RCL1: variants seen among roughly 807,000 people sequenced by gnomAD.
RCL1 encodes the protein RNA 3'-terminal phosphate cyclase-like protein.
A neutral mutation model predicts 42.4 loss-of-function variants in RCL1; 24 were observed. That is an observed-to-expected ratio of 0.57 (90% confidence interval 0.41 to 0.80). The LOEUF is 0.80. RCL1 is among the 30% of genes least tolerant of loss of function. RCL1 has a pLI of 0.00. For synonymous variants in RCL1, 228 were observed against 177.3 expected (o/e 1.29, Z -2.27); for missense variants, 578 against 467.9 (o/e 1.24, Z -2.17).
At chr9:4,810,555 T>C (rs559932080) in intron 1 of RCL1, among the ~76,000 whole-genome samples, 17 of 152,346 alleles carry the variant, frequency 1.1e-4, no homozygotes, top group Admixed American at 4.6e-4. Context: ...TTTTTTAATG[T>C]GCCACAATTT....
intron 1 of RCL1, among the ~76,000 whole-genome samples, chr9:4,808,421 T>C (rs1440112025): frequency 6.6e-6 from 1 of 152,058 alleles, no homozygotes; most frequent in African/African-American, 2.4e-5. Flanking sequence ...GATCCTCCTA[T>C]TTCAGCCTCC....
chr9:4,825,203 C>T (rs1297078745), intron 2 of RCL1, among the ~76,000 whole-genome samples: 1 of 151,982 alleles, frequency 6.6e-6, no homozygotes, highest in Non-Finnish European at 1.5e-5. Context: ...CTTTTCTAGT[C>T]ATACTGGCAA....
chr9:4,806,678 G>A (rs1429579204), intron 1 of RCL1, among the ~76,000 whole-genome samples: 1 of 146,782 alleles, frequency 6.8e-6, no homozygotes, highest in Non-Finnish European at 1.5e-5. Context: ...CTAATGTTTT[G>A]TTAAGGACTT....
rs750375018 is a variant in RCL1 at position 4,833,210 on chromosome 9, T to G, written c.441T>G (p.Gly147=). 1.7e-5 allele frequency: 27 copies of G among 1,612,222 alleles called. No individual in the cohort carries two copies. Among genetic ancestry groups the G allele is most frequent in the African/African-American group, 1.2e-4 (9 of 74,898 alleles). Residue 147 remains glycine (G), a synonymous_variant, in exon 4 of 9, where the codon GGT becomes GGG. Transcript: ENST00000381750. ...LPLLKQFGID[G]ESFELKIVRR... ...TGTTGAAACAATTTGGGATTGATGG[T>G]GAATCATTTGAACTGAAGGTAAGAA... is the stretch of plus-strand genomic sequence containing the variant.
chr9:4,810,468 C>T (rs1270249538), intron 1 of RCL1, among the ~76,000 whole-genome samples: 3 of 152,070 alleles, frequency 2.0e-5, no homozygotes, highest in East Asian at 1.9e-4. Context: ...GCCTCTTTAG[C>T]TCTGTTGTAT....
At chr9:4,800,176 A>G (rs1842975200) in intron 1 of RCL1, among the ~76,000 whole-genome samples, 1 of 152,008 alleles carries the variant, frequency 6.6e-6, no homozygotes, top group Admixed American at 6.6e-5. Context: ...GCTATCTCGA[A>G]TAAGGCTGCT....
chr9:4,846,205 T>C (rs942252158), intron 7 of RCL1, among the ~76,000 whole-genome samples: 1 of 152,208 alleles, frequency 6.6e-6, no homozygotes, highest in Non-Finnish European at 1.5e-5. Context: ...ATGAGCTGTT[T>C]CAGAATTAAT....
At chr9:4,802,859 C>G (rs118068587) in intron 1 of RCL1, among the ~76,000 whole-genome samples, 3 of 152,100 alleles carry the variant, frequency 2.0e-5, no homozygotes, top group African/African-American at 7.2e-5. Context: ...CTTGCTCTGT[C>G]GCACAGGCTG....
At chr9:4,811,356 A>G (rs958904326) in intron 1 of RCL1, among the ~76,000 whole-genome samples, 15 of 152,088 alleles carry the variant, frequency 9.9e-5, no homozygotes, top group South Asian at 2.1e-4. Context: ...GCTATAGAAC[A>G]TTAGAACTTA....
chr9:4,858,558 C>G (rs2129757407), intron 8 of RCL1, among the ~76,000 whole-genome samples: 1 of 152,150 alleles, frequency 6.6e-6, no homozygotes, highest in East Asian at 1.9e-4. Flanking sequence ...AGGAAGGGGC[C>G]CAGCTTCATT....
chr9:4,807,785 C>T (rs536164206), intron 1 of RCL1, among the ~76,000 whole-genome samples: 3 of 152,330 alleles, frequency 2.0e-5, no homozygotes, highest in South Asian at 4.1e-4. Flanking sequence ...TCCCAAAATG[C>T]TGGGATTACA....
At chr9:4,811,844 A>G (rs1414038829) in intron 1 of RCL1, among the ~76,000 whole-genome samples, 2 of 152,116 alleles carry the variant, frequency 1.3e-5, no homozygotes, top group Non-Finnish European at 2.9e-5. Context: ...TTCTTTTTGT[A>G]TCCTTGCCAT....
At chr9:4,857,443 T>A (rs141994610) in intron 8 of RCL1, among the ~76,000 whole-genome samples, 3,867 of 134,430 alleles carry the variant, frequency 0.029, 43 homozygotes, top group African/African-American at 0.033. Context: ...AGTGCTTTGT[T>A]CCTTTTTTAT....
At chr9:4,803,000 TCTTTTTC>T (rs945072921) in intron 1 of RCL1, among the ~76,000 whole-genome samples, 9 of 151,702 alleles carry the variant, frequency 5.9e-5, no homozygotes, top group African/African-American at 9.7e-5. Context: ...TTTTTCTTTT[TCTTTTTC>T]CTTTTTCCTT....
Position 4,849,475 on chromosome 9 carries a change from G to T in RCL1, c.896G>T (p.Ser299Ile). The change falls in exon 8 of 9, where the codon AGC becomes ATC. Residue 299 changes from serine (S) to isoleucine (I), a missense_variant. Physicochemically the swap from Ser to Ile is moderately radical, Grantham distance 142. Transcript: ENST00000381750. The part of the protein sequence containing the change: ...RGGCVDSTNQ[S>I]LALLLMTLGQ... ...GGATGCGTAGACTCGACCAACCAAA[G>T]CCTGGCGCTACTACTCATGACCCTT... The T allele has an allele frequency of 1.9e-6, 3 of 1,613,978 alleles. No individual in the cohort carries two copies. The highest frequency in any genetic ancestry group is 1.7e-6 in the Non-Finnish European group (2 of 1,179,986).
intron 1 of RCL1, among the ~76,000 whole-genome samples, chr9:4,809,266 G>C (rs1816084870): frequency 6.6e-6 from 1 of 151,984 alleles, no homozygotes. Context: ...TGTTTCCATA[G>C]GTAGAGTCAT....
At chr9:4,844,897 G>C (rs951383183) in intron 7 of RCL1, among the ~76,000 whole-genome samples, 1 of 152,188 alleles carries the variant, frequency 6.6e-6, no homozygotes, top group African/African-American at 2.4e-5. Context: ...CACAGGGCAG[G>C]TAAGTTTTAA....
intron 1 of RCL1, among the ~76,000 whole-genome samples, chr9:4,806,846 A>T (rs1243645666): frequency 6.6e-6 from 1 of 152,132 alleles, no homozygotes; most frequent in East Asian, 1.9e-4. Flanking sequence ...AATTCTTTAA[A>T]TGTTTGGCAG....
intron 1 of RCL1, among the ~76,000 whole-genome samples, chr9:4,801,130 C>T (rs1239708798): frequency 6.6e-6 from 1 of 152,100 alleles, no homozygotes; most frequent in African/African-American, 2.4e-5. Context: ...AACATCTTTC[C>T]AAGTCTTTTG....
Sources: gnomAD v4.1 joint callset for allele counts (sites outside exome capture counted in the v4.1 genomes callset) on GRCh38, gnomAD v4.1.1 for gene constraint, MANE v1.5 for transcripts, NCBI Gene and HGNC (gene_info 2026-07-23, HGNC 2026-07-21) for gene names.